ZNF609: variants seen among roughly 807,000 people sequenced by gnomAD.
ZNF609 encodes zinc finger protein 609.
In ZNF609, 11 loss-of-function variants were observed where a neutral mutation model predicts 109.5. The ratio of observed to expected loss-of-function variants is 0.10; its 90% CI spans 0.06 to 0.17. ZNF609 has a LOEUF of 0.17. Among genes scored for constraint, ZNF609 ranks in the 10% least tolerant of loss-of-function variants. The pLI is 1.00. For synonymous variants in ZNF609, 646 were observed against 662.0 expected (o/e 0.98, Z 0.37); for missense variants, 1,559 against 1,772.4 (o/e 0.88, Z 2.16).
intron 3 of ZNF609, among the ~76,000 whole-genome samples, chr15:64,650,216 C>T (rs1222064292): frequency 6.7e-6 from 1 of 148,762 alleles, no homozygotes; most frequent in Non-Finnish European, 1.5e-5. Context: ...CCAGCCTGGG[C>T]AACACAGTGA....
chr15:64,546,954 C>A (rs771896078), intron 2 of ZNF609, among the ~76,000 whole-genome samples: 3 of 151,772 alleles, frequency 2.0e-5, no homozygotes, highest in Admixed American at 6.6e-5. Flanking sequence ...CCACACCTGG[C>A]TAAATTTTTG....
Position 64,674,154 on chromosome 15 carries a change from C to G in ZNF609, c.1300C>G (p.Pro434Ala), listed in dbSNP as rs749800219. 1.2e-6 allele frequency: 2 copies of G among 1,614,204 alleles called. No homozygotes were observed. The highest frequency in any genetic ancestry group is 1.7e-6 in the Non-Finnish European group (2 of 1,180,042). The change falls in exon 5 of 10, where the codon CCT (proline) becomes GCT (alanine). Residue 434 changes from proline to alanine, a missense_variant. This residue lies in a region of ZNF609 where 1,204 missense variants were observed against 1,314.1 expected (regional missense o/e 0.92). Coordinates refer to ENST00000326648, the MANE Select transcript of ZNF609 (RefSeq NM_015042.2). ...CACTTCTGAGGATGTCAAGGCCAGC[C>G]CTTCCTCAGCTAATAAGCGGAAAAA... The part of the protein sequence containing the change: ...SSTSEDVKAS[P>A]SSANKRKNKP...
chr15:64,505,969 C>T (rs116857608), intron 2 of ZNF609, among the ~76,000 whole-genome samples: 7,344 of 151,742 alleles, frequency 0.048, 238 homozygotes, highest in South Asian at 0.086. Context: ...AGTGAGACTC[C>T]GTCTCAAAAA....
At chr15:64,677,504 C>T (rs1217474741) in intron 5 of ZNF609, among the ~76,000 whole-genome samples, 1 of 152,118 alleles carries the variant, frequency 6.6e-6, no homozygotes, top group African/African-American at 2.4e-5. Flanking sequence ...CGTGTTTCCT[C>T]CACTGTTTGG....
chr15:64,577,917 G>C (rs1895028786), intron 2 of ZNF609, among the ~76,000 whole-genome samples: 1 of 151,698 alleles, frequency 6.6e-6, no homozygotes, highest in Admixed American at 6.6e-5. Context: ...CACTTTAGGA[G>C]GTCAAGGTGG....
Position 64,675,331 on chromosome 15 carries a change from A to C in ZNF609, c.2477A>C (p.His826Pro). 6.2e-7 allele frequency: 1 copy of C among 1,613,994 alleles called. No individual in the cohort carries two copies. Among genetic ancestry groups the C allele is most frequent in the South Asian group, 1.1e-5 (1 of 91,056 alleles). Reference protein sequence around the residue: ...TTPTQPLTPLHVVTQNGAEAS... With the variant: ...TTPTQPLTPLPVVTQNGAEAS... Reference sequence around the variant, plus strand: ...CCTACTCAGCCCCTGACTCCCTTACATGTGGTGACCCAGAATGGAGCTGAA... The same window carrying C: ...CCTACTCAGCCCCTGACTCCCTTACCTGTGGTGACCCAGAATGGAGCTGAA... The change falls in exon 5 of 10, where the codon CAT (histidine) becomes CCT (proline). Residue 826 changes from histidine (H) to proline (P), a missense_variant. Physicochemically the swap from His to Pro is moderately conservative, Grantham distance 77 (BLOSUM62 -2). This residue lies in a region of ZNF609 where 1,204 missense variants were observed against 1,314.1 expected (regional missense o/e 0.92). Coordinates refer to ENST00000326648, the MANE Select transcript of ZNF609 (RefSeq NM_015042.2).
intron 2 of ZNF609, among the ~76,000 whole-genome samples, chr15:64,531,052 AACAT>A (rs1405481316): frequency 9.9e-5 from 15 of 152,214 alleles, no homozygotes; most frequent in Admixed American, 9.8e-4. Context: ...CATTCCACTT[AACAT>A]ACATGTACTG....
At chr15:64,678,005 C>A in intron 5 of ZNF609, 111 bp from the exon 6 acceptor site, 1 of 1,404,416 alleles carries the variant, frequency 7.1e-7, no homozygotes, top group Non-Finnish European at 9.6e-7. Context: ...CTACTCTGCC[C>A]CAGGTGTCTA....
chr15:64,576,971 A>AATATAT (rs71133446), intron 2 of ZNF609, among the ~76,000 whole-genome samples: 6 of 131,556 alleles, frequency 4.6e-5, no homozygotes, highest in African/African-American at 1.8e-4. Flanking sequence ...TATACACATA[A>AATATAT]ATATATATAT....
chr15:64,474,877 T>C (rs1254558043), intron 1 of ZNF609, among the ~76,000 whole-genome samples: 1 of 152,168 alleles, frequency 6.6e-6, no homozygotes, highest in Non-Finnish European at 1.5e-5. Flanking sequence ...CCTACATAGG[T>C]CAATATTCAA....
intron 1 of ZNF609, among the ~76,000 whole-genome samples, chr15:64,495,900 C>T (rs1353990147): frequency 6.6e-6 from 1 of 151,328 alleles, no homozygotes; most frequent in Admixed American, 6.6e-5. Flanking sequence ...CTCACTGCAA[C>T]TTCTTCTTCC....
At chr15:64,609,112 C>CTTTCTTTCTTTCTTTCT (rs1895668382) in intron 2 of ZNF609, among the ~76,000 whole-genome samples, 1 of 34,630 alleles carries the variant, frequency 2.9e-5, no homozygotes, top group African/African-American at 6.0e-5. Flanking sequence ...TTCTTTCTTT[C>CTTTCTTTCTTTCTTTCT]TTTCTTTCTT....
intron 1 of ZNF609, among the ~76,000 whole-genome samples, chr15:64,466,413 T>C (rs967615914): frequency 2.6e-5 from 4 of 152,172 alleles, no homozygotes; most frequent in African/African-American, 9.7e-5. Context: ...ACACACGACC[T>C]AATGGAATTC....
At chr15:64,640,727 T>A (rs1184952101) in intron 3 of ZNF609, among the ~76,000 whole-genome samples, 2 of 152,208 alleles carry the variant, frequency 1.3e-5, no homozygotes, top group Non-Finnish European at 2.9e-5. Flanking sequence ...GGACTCCAGC[T>A]GTATAGCCAA....
At position 64,475,379 on chromosome 15, in the gene ZNF609, T is replaced by C. The variant is rs932987344; in HGVS notation, c.-128+14541T>C. ...TGCTGGGATCTCTGTTGTAGTACTT[T>C]ATCACATGTTGTCTTTTTTTTTTTT... On this transcript the variant is annotated intron_variant, in intron 1 of 9. Transcript: ENST00000326648. Among the ~76,000 whole-genome samples, 5 of 147,654 alleles carry C rather than the reference T, an allele frequency of 3.4e-5. No homozygotes were observed. In the Admixed American group the frequency reaches 3.6e-4, roughly 11 times the overall value.
intron 2 of ZNF609, among the ~76,000 whole-genome samples, chr15:64,566,162 T>C (rs115912962): frequency 6.6e-6 from 1 of 152,274 alleles, no homozygotes; most frequent in African/African-American, 2.4e-5. Flanking sequence ...ATTGAGGTAT[T>C]TTATTTTAGA....
At chr15:64,672,953 A>T (rs1896757607) in intron 4 of ZNF609, among the ~76,000 whole-genome samples, 1 of 140,618 alleles carries the variant, frequency 7.1e-6, no homozygotes, top group Admixed American at 7.2e-5. Context: ...ACAGAGCAAG[A>T]CTCCATCTCA....
chr15:64,635,715 C>G (rs990897462), intron 3 of ZNF609, among the ~76,000 whole-genome samples: 37 of 152,324 alleles, frequency 2.4e-4, no homozygotes, highest in African/African-American at 8.7e-4. Context: ...AAGCTATTAA[C>G]AAAGTTGGCA....
chr15:64,552,091 A>C (rs1894491541), intron 2 of ZNF609, among the ~76,000 whole-genome samples: 1 of 151,898 alleles, frequency 6.6e-6, no homozygotes, highest in Non-Finnish European at 1.5e-5. Flanking sequence ...GTCCTTTATC[A>C]GATGTGATTA....
Sources: allele counts gnomAD v4.1 joint callset (sites outside exome capture counted in the v4.1 genomes callset), GRCh38; gene constraint gnomAD v4.1.1; regional missense constraint gnomAD v4.1.1; transcripts MANE v1.5; gene names NCBI Gene and HGNC (gene_info 2026-07-23, HGNC 2026-07-21).